The following CEP63 variants were observed in gnomAD, a reference collection of about 807,000 sequenced individuals.
The protein encoded by CEP63 is centrosomal protein of 63 kDa.
CEP63 carries 84 observed loss-of-function variants against 89.1 expected under a neutral mutation model. The ratio of observed to expected loss-of-function variants is 0.94; its 90% CI spans 0.79 to 1.13. The LOEUF is 1.13. CEP63 is among the 50% of genes most tolerant of loss of function. The pLI is 0.00. For synonymous variants in CEP63, 267 were observed against 272.5 expected (o/e 0.98, Z 0.20); for missense variants, 838 against 813.3 (o/e 1.03, Z -0.37).
At chr3:134,767,606 T>C in the CEP63 span, among the ~76,000 whole-genome samples, 1 of 152,238 alleles carries the variant, frequency 6.6e-6, no homozygotes, top group Admixed American at 6.5e-5. Flanking sequence ...CATTTTGCAA[T>C]GGGCCTTGTA....
At chr3:134,698,693 C>T in the CEP63 span, among the ~76,000 whole-genome samples, 1 of 152,194 alleles carries the variant, frequency 6.6e-6, no homozygotes, top group Non-Finnish European at 1.5e-5. Context: ...CTCAGGCTGC[C>T]CTCGCCCACA....
At chr3:134,627,630 G>A in the CEP63 span, 1 of 774,026 alleles carries the variant, frequency 1.3e-6, no homozygotes, top group African/African-American at 1.7e-5. Flanking sequence ...TTCCCCTCCT[G>A]AACCCAAAGG....
At chr3:134,732,647 C>T in the CEP63 span, among the ~76,000 whole-genome samples, 5 of 151,778 alleles carry the variant, frequency 3.3e-5, no homozygotes, top group Non-Finnish European at 2.9e-5. Flanking sequence ...AAAAAGTGAT[C>T]AAAATGGAAG....
the CEP63 span, among the ~76,000 whole-genome samples, chr3:134,738,554 T>G: frequency 6.6e-6 from 1 of 152,218 alleles, no homozygotes; most frequent in East Asian, 1.9e-4. Flanking sequence ...CACTGATATG[T>G]GGGAGTTAAG....
At chr3:134,638,339 G>GTA in the CEP63 span, among the ~76,000 whole-genome samples, 3 of 152,220 alleles carry the variant, frequency 2.0e-5, no homozygotes, top group African/African-American at 4.8e-5. Context: ...CTAACAGAGA[G>GTA]TAGATCATTT....
At chr3:134,635,587 G>C in the CEP63 span, among the ~76,000 whole-genome samples, 1 of 149,304 alleles carries the variant, frequency 6.7e-6, no homozygotes, top group African/African-American at 2.5e-5. Flanking sequence ...TAATTTTAAA[G>C]AGGGAAATAG....
Position 134,500,759 on chromosome 3 carries a change from A to G in CEP63, c.44+5395A>G, listed in dbSNP as rs762296721. On this transcript the variant is annotated intron_variant, in intron 2 of 14. Coordinates refer to ENST00000675561, the MANE Select transcript of CEP63 (RefSeq NM_001353108.3). ...GCCCTTTGTTGGATGCATGGTTTGC[A>G]AATACGTTCTCTCATTCTGTAAGTT... Among the ~76,000 whole-genome samples the G allele has an allele frequency of 3.3e-5, 5 of 152,300 alleles. No individual in the cohort carries two copies. The East Asian group carries it at 9.6e-4, about 29-fold the overall frequency.
the CEP63 span, among the ~76,000 whole-genome samples, chr3:134,753,089 C>T: frequency 7.5e-3 from 1,146 of 152,130 alleles, 11 homozygotes; most frequent in African/African-American, 0.025. Context: ...TCTCTGTCCT[C>T]AAGTGTGGGT....
At position 134,532,949 on chromosome 3, in the gene CEP63, A is replaced by G. The variant is rs373736846; in HGVS notation, c.441+49A>G. ...TCATAGTGATTGTCAGCCTTCACGT[A>G]GGAAAATGCGGTTTCTAATGGCACT... On this transcript the variant is annotated intron_variant, in intron 5 of 14. Transcript: ENST00000675561. 2.3e-4 allele frequency: 373 copies of G among 1,602,458 alleles called. 1 individual carries two copies. In the African/African-American group the frequency reaches 3.5e-3, roughly 15 times the overall value.
At chr3:134,717,500 T>C in the CEP63 span, among the ~76,000 whole-genome samples, 1 of 152,166 alleles carries the variant, frequency 6.6e-6, no homozygotes, top group South Asian at 2.1e-4. Context: ...ACTAGAGTAG[T>C]GTAGAAGAGT....
the CEP63 span, among the ~76,000 whole-genome samples, chr3:134,702,718 G>T: frequency 1.3e-5 from 2 of 152,120 alleles, no homozygotes; most frequent in African/African-American, 4.8e-5. Context: ...ATTAAATAAA[G>T]CTCAACATCA....
the CEP63 span, chr3:134,647,599 C>A: frequency 3.0e-6 from 2 of 672,506 alleles, no homozygotes; most frequent in Admixed American, 6.0e-5. Context: ...TGGATCTTGG[C>A]TCTCTTGGAA....
chr3:134,729,126 A>T, the CEP63 span, among the ~76,000 whole-genome samples: 1 of 152,170 alleles, frequency 6.6e-6, no homozygotes, highest in East Asian at 1.9e-4. Context: ...TTTATAATTA[A>T]TGACTTTTAT....
At chr3:134,653,913 A>G in the CEP63 span, among the ~76,000 whole-genome samples, 1 of 152,212 alleles carries the variant, frequency 6.6e-6, no homozygotes, top group Non-Finnish European at 1.5e-5. Context: ...CATCTTGAAT[A>G]AAAAAGATGC....
At chr3:134,659,020 T>A in the CEP63 span, among the ~76,000 whole-genome samples, 3 of 152,238 alleles carry the variant, frequency 2.0e-5, no homozygotes, top group Non-Finnish European at 4.4e-5. Context: ...AATCTCATCT[T>A]CTTGCATATA....
the CEP63 span, among the ~76,000 whole-genome samples, chr3:134,767,187 C>A: frequency 1.9e-4 from 29 of 152,254 alleles, no homozygotes; most frequent in Admixed American, 3.9e-4. Flanking sequence ...CCTTTCAAAC[C>A]AATGCATTAA....
chr3:134,537,656 T>C (rs1364276756), intron 6 of CEP63, among the ~76,000 whole-genome samples: 1 of 152,180 alleles, frequency 6.6e-6, no homozygotes, highest in Non-Finnish European at 1.5e-5. Context: ...CTTTCTTCCC[T>C]ACCACAGTCC....
At chr3:134,715,590 C>T in the CEP63 span, among the ~76,000 whole-genome samples, 1 of 149,734 alleles carries the variant, frequency 6.7e-6, no homozygotes, top group Non-Finnish European at 1.5e-5. Flanking sequence ...CGGGGTCTCA[C>T]AGTGCATTGC....
At chr3:134,633,443 A>C in the CEP63 span, among the ~76,000 whole-genome samples, 1 of 152,274 alleles carries the variant, frequency 6.6e-6, no homozygotes, top group South Asian at 2.1e-4. Flanking sequence ...AAAGCTGGTT[A>C]AATATTTGGA....
Sources: allele counts gnomAD v4.1 joint callset (sites outside exome capture counted in the v4.1 genomes callset), GRCh38; gene constraint gnomAD v4.1.1; transcripts MANE v1.5; gene names NCBI Gene and HGNC (gene_info 2026-07-23, HGNC 2026-07-21).